SERINC5: variants seen among roughly 807,000 people sequenced by gnomAD.
The protein encoded by SERINC5 is chromosome 5 open reading frame 12.
Under a neutral mutation model 63.1 loss-of-function variants are expected in SERINC5, and 41 were observed. The ratio of observed to expected loss-of-function variants is 0.65; its 90% CI spans 0.51 to 0.84. The LOEUF (loss-of-function observed/expected upper bound fraction) is 0.84. Among genes scored for constraint, SERINC5 ranks in the 40% least tolerant of loss-of-function variants. The pLI, the probability that SERINC5 is intolerant of heterozygous loss-of-function variation, is 0.00. For synonymous variants in SERINC5, 222 were observed against 215.2 expected, an observed-to-expected ratio of 1.03 and a Z score of -0.28; for missense variants, 523 against 573.0, an observed-to-expected ratio of 0.91 and a Z score of 0.89.
At chr5:80,215,865 G>C (rs1338325356) in intron 1 of SERINC5, among the ~76,000 whole-genome samples, 1 of 152,176 alleles carries the variant, frequency 6.6e-6, no homozygotes, top group Non-Finnish European at 1.5e-5. Flanking sequence ...GGTTACAGTG[G>C]AGTCTGGGAC....
chr5:80,245,044 C>G (rs1296770643), intron 1 of SERINC5, among the ~76,000 whole-genome samples: 1 of 152,154 alleles, frequency 6.6e-6, no homozygotes, highest in East Asian at 1.9e-4. Context: ...CCAGTTGGCT[C>G]CACACCTCTC....
At chr5:80,196,888 C>T (rs766572195) in intron 2 of SERINC5, among the ~76,000 whole-genome samples, 1 of 150,958 alleles carries the variant, frequency 6.6e-6, no homozygotes, top group Non-Finnish European at 1.5e-5. Context: ...TGCTGTGAGC[C>T]GAGATCACAC....
At chr5:80,193,541 G>C (rs1486553453) in intron 2 of SERINC5, among the ~76,000 whole-genome samples, 1 of 152,152 alleles carries the variant, frequency 6.6e-6, no homozygotes, top group East Asian at 1.9e-4. Context: ...CTGACACCTG[G>C]TGCTCCCGCA....
chr5:80,132,465 G>A (rs1290593958), intron 11 of SERINC5, among the ~76,000 whole-genome samples: 1 of 152,102 alleles, frequency 6.6e-6, no homozygotes. Context: ...ATCTCCTCAT[G>A]TTGTTCCTTA....
chr5:80,228,684 A>G (rs1751284335), intron 1 of SERINC5, among the ~76,000 whole-genome samples: 1 of 152,032 alleles, frequency 6.6e-6, no homozygotes, highest in African/African-American at 2.4e-5. Context: ...CCCAGCCTCA[A>G]TCCCAAAGCA....
intron 1 of SERINC5, among the ~76,000 whole-genome samples, chr5:80,243,732 C>T (rs1346700927): frequency 2.8e-5 from 4 of 143,674 alleles, no homozygotes; most frequent in Non-Finnish European, 6.0e-5. Context: ...ATAGTGAGAG[C>T]CTGTCTCTAT....
At chr5:80,150,327 C>T (rs1381163604) in intron 9 of SERINC5, among the ~76,000 whole-genome samples, 1 of 152,152 alleles carries the variant, frequency 6.6e-6, no homozygotes, top group Non-Finnish European at 1.5e-5. Context: ...TGGGGGTGAG[C>T]GGCAGGATGC....
intron 1 of SERINC5, among the ~76,000 whole-genome samples, chr5:80,241,863 A>G (rs1751954015): frequency 6.6e-6 from 1 of 151,694 alleles, no homozygotes; most frequent in African/African-American, 2.4e-5. Context: ...TGGCTCACAC[A>G]TGTAATCCCA....
intron 4 of SERINC5, among the ~76,000 whole-genome samples, chr5:80,176,700 G>T (rs761453563): frequency 4.6e-5 from 7 of 152,176 alleles, no homozygotes; most frequent in Non-Finnish European, 8.8e-5. Context: ...GCCTCCCAAA[G>T]TGCTAGGATT....
intron 1 of SERINC5, among the ~76,000 whole-genome samples, chr5:80,251,687 G>A (rs1223531114): frequency 2.0e-5 from 3 of 149,472 alleles, no homozygotes; most frequent in South Asian, 2.1e-4. Flanking sequence ...CCAAGATTGC[G>A]CCACTGCACT....
chr5:80,164,003 CTTT>C (rs1747108767), intron 7 of SERINC5, among the ~76,000 whole-genome samples: 1 of 152,118 alleles, frequency 6.6e-6, no homozygotes, highest in Non-Finnish European at 1.5e-5. Flanking sequence ...TCGGTCCTGG[CTTT>C]TTCTTATTGG....
chr5:80,164,920 T>G (rs970752405), intron 7 of SERINC5, among the ~76,000 whole-genome samples: 1 of 138,610 alleles, frequency 7.2e-6, no homozygotes, highest in South Asian at 2.4e-4. Flanking sequence ...GTTTTTTTTT[T>G]TTTTTTTTTT....
At chr5:80,169,233 A>G in intron 6 of SERINC5, 102 bp downstream of exon 6, 1 of 933,878 alleles carries the variant, frequency 1.1e-6, no homozygotes, top group South Asian at 1.6e-5. Flanking sequence ...TAAGGAATAC[A>G]CTAGTTCCAA....
chr5:80,139,813 G>T lies in SERINC5; in HGVS notation c.*3850C>A. The T allele has an allele frequency of 1.0e-6, 1 of 985,434 alleles. No individual in the cohort carries two copies. The highest frequency in any genetic ancestry group is 1.2e-6 in the Non-Finnish European group (1 of 829,954). The allele number at this position is 985,434 out of a possible 1,614,324, so 61.0% of individuals were successfully genotyped here. A position where few individuals can be genotyped will look rare whatever the true frequency, so the allele number is the denominator to read the frequency against. On this transcript the variant is annotated 3_prime_UTR_variant, in exon 12 of 12. Transcript: ENST00000507668. ...CCAGTGTTCTTTCTGGGTGTGTAAG[G>T]TCTTACTTAGTTCAAGGTTTGTCCC...
Position 80,164,910 on chromosome 5 carries a change from G to GTTTTTTTTTTTTTT in SERINC5, c.859+1459_859+1472dup, listed in dbSNP as rs70982026. Among the ~76,000 whole-genome samples, 13 of 85,180 alleles carry GTTTTTTTTTTTTTT rather than the reference G, an allele frequency of 1.5e-4. 1 individual carries two copies. Among genetic ancestry groups the GTTTTTTTTTTTTTT allele is most frequent in the African/African-American group, 4.4e-4 (9 of 20,460 alleles). 55.9% of individuals were successfully genotyped at this position (85,180 alleles called of 152,430 possible). A position where few individuals can be genotyped will look rare whatever the true frequency, so the allele number is the denominator to read the frequency against. Reference sequence around the variant, plus strand: ...TGAAATTTAAAATAACTTTTTTTCTGTTTTTTTTTTTTTTTTTTTTTTGTA... The same window carrying GTTTTTTTTTTTTTT: ...TGAAATTTAAAATAACTTTTTTTCTGTTTTTTTTTTTTTTTTTTTTTTTTTTTTTTTTTTTTGTA... On this transcript the variant is annotated intron_variant, in intron 7 of 11. Transcript: ENST00000507668.
rs116208035 is a variant in SERINC5, at chr5:80,196,496, A to G, written c.195+6390T>C. ...TATGGCGGTTCCTCAAGAGCTTAAA[A>G]TTACTACACAATCCAGCAATTCTGC... is the stretch of plus-strand genomic sequence containing the variant. On this transcript the variant is annotated intron_variant, in intron 2 of 11. Coordinates refer to ENST00000507668, the MANE Select transcript of SERINC5 (RefSeq NM_001174072.3). Among the ~76,000 whole-genome samples, 1,009 of 152,302 alleles carry G rather than the reference A, an allele frequency of 6.6e-3. 5 individuals are homozygous for G. The highest frequency in any genetic ancestry group is 0.014 in the Middle Eastern group (4 of 294).
intron 1 of SERINC5, among the ~76,000 whole-genome samples, chr5:80,252,039 G>A (rs1367438484): frequency 6.8e-6 from 1 of 146,632 alleles, no homozygotes; most frequent in African/African-American, 2.5e-5. Context: ...AGTGAGCACT[G>A]TCATTTTCTT....
rs1456013108 is a variant in SERINC5, at chr5:80,143,652, C to T, written c.*11G>A. 5.9e-6 allele frequency: 9 copies of T among 1,535,296 alleles called. No homozygotes were observed. The highest frequency in any genetic ancestry group is 3.6e-5 in the South Asian group (3 of 84,042). ...TGTAGGCCCACAAAGCCCAGGGGAC[C>T]GCCGATATCATCACACAGAGAACTC... On this transcript the variant is annotated 3_prime_UTR_variant, in exon 12 of 12. Coordinates refer to ENST00000507668, the MANE Select transcript of SERINC5 (RefSeq NM_001174072.3).
At chr5:80,190,501 G>T (rs13185623) in intron 2 of SERINC5, among the ~76,000 whole-genome samples, 55,747 of 151,982 alleles carry the variant, frequency 0.37, 11,132 homozygotes, top group East Asian at 0.79. Flanking sequence ...TAGAGTTTGA[G>T]CATCCACGCA....
Sources: gnomAD v4.1 joint callset for allele counts (sites outside exome capture counted in the v4.1 genomes callset) on GRCh38, gnomAD v4.1.1 for gene constraint, MANE v1.5 for transcripts, NCBI Gene and HGNC (gene_info 2026-07-23, HGNC 2026-07-21) for gene names.